The following ZNF81 variants were observed in gnomAD, a reference collection of about 807,000 sequenced individuals.
The protein encoded by ZNF81 is zinc finger protein 81 (HFZ20).
Under a neutral mutation model 32.3 loss-of-function variants are expected in ZNF81, and 5 were observed. That is an observed-to-expected ratio of 0.15 (90% CI 0.08 to 0.33). The LOEUF is 0.33. Ranked by LOEUF, ZNF81 falls within the 10% of genes least tolerant of loss-of-function variation. The probability of loss-of-function intolerance (pLI) is 1.00; values close to 1 mark genes in which losing one functional copy is unlikely to be tolerated. For missense variants in ZNF81, 379 were observed against 479.8 expected, an observed-to-expected ratio of 0.79 and a Z score of 1.96; for synonymous variants, 163 against 166.8, an observed-to-expected ratio of 0.98 and a Z score of 0.17.
intron 2 of ZNF81, among the ~76,000 whole-genome samples, chrX:47,847,688 T>C (rs782406759): frequency 1.7e-4 from 19 of 111,872 alleles, no homozygotes; most frequent in African/African-American, 5.5e-4. Flanking sequence ...TTCCTTGGCT[T>C]ACCCCTTCAT....
chrX:47,909,863 G>GT (rs1302225006), intron 4 of ZNF81, among the ~76,000 whole-genome samples: 6 of 106,498 alleles, frequency 5.6e-5, no homozygotes, highest in Non-Finnish European at 1.2e-4. Flanking sequence ...GCGGTGTTTG[G>GT]TTTTTTGTCC....
intron 4 of ZNF81, among the ~76,000 whole-genome samples, chrX:47,909,310 C>A (rs933001203): frequency 9.0e-6 from 1 of 111,599 alleles, no homozygotes; most frequent in Non-Finnish European, 1.9e-5. Flanking sequence ...TATCTTCCCC[C>A]CTTTCTAGTA....
Position 47,921,443 on chromosome X carries a change from C to T in ZNF81, c.*4811C>T, listed in dbSNP as rs2058776686. On this transcript the variant is annotated 3_prime_UTR_variant, in exon 5 of 5. Transcript: ENST00000338637. ...TACCCTACACCAACCAGATTTTCAA[C>T]TGCTGGACATATGAATGAAGCTATC... 1 of 110,469 alleles carries T rather than the reference C, an allele frequency of 9.1e-6. No individual in the cohort carries two copies. The highest frequency in any genetic ancestry group is 3.3e-5 in the African/African-American group (1 of 30,452). 9.1% of individuals were successfully genotyped at this position (110,469 alleles called of 1,213,427 possible). A position where few individuals can be genotyped will look rare whatever the true frequency, so the allele number is the denominator to read the frequency against.
At chrX:47,873,178 C>T (rs1375986313) in intron 2 of ZNF81, among the ~76,000 whole-genome samples, 1 of 111,644 alleles carries the variant, frequency 9.0e-6, no homozygotes, top group Non-Finnish European at 1.9e-5. Context: ...AAAGCATGTT[C>T]GTTATCAGAG....
chrX:47,898,222 G>A (rs1208926407), intron 4 of ZNF81, among the ~76,000 whole-genome samples: 1 of 111,026 alleles, frequency 9.0e-6, no homozygotes, highest in Non-Finnish European at 1.9e-5. Context: ...TAGAGCAGGG[G>A]GATAGTGGCT....
chrX:47,879,521 C>A (rs1429532855), intron 2 of ZNF81, among the ~76,000 whole-genome samples: 1 of 112,068 alleles, frequency 8.9e-6, no homozygotes, highest in African/African-American at 3.2e-5. Context: ...TTCCACAAGG[C>A]AATGCAGAGG....
At position 47,915,574 on chromosome X, in the gene ZNF81, G is replaced by C; in HGVS notation, c.928G>C (p.Val310Leu). ...KPHELSKCVN[V>L]FTQKPLLSIY... ...TCATGAGCTTAGCAAATGTGTAAAT[G>C]TTTTTACACAGAAGCCACTACTCAG... Residue 310 changes from valine (V) to leucine (L), a missense_variant, in exon 5 of 5, where the codon GTT (valine) becomes CTT (leucine). Physicochemically the swap from Val to Leu is conservative, Grantham distance 32. Coordinates refer to ENST00000338637, the MANE Select transcript of ZNF81 (RefSeq NM_007137.5). 1 of 1,210,975 alleles carries C rather than the reference G, an allele frequency of 8.3e-7. No homozygotes were observed. Among genetic ancestry groups the C allele is most frequent in the South Asian group, 1.8e-5 (1 of 56,945 alleles).
rs1378918290 is a variant in ZNF81 at position 47,919,899 on chromosome X, C to T, written c.*3267C>T. 2.7e-5 allele frequency: 3 copies of T among 112,049 alleles called. No individual in the cohort carries two copies. Among genetic ancestry groups the T allele is most frequent in the Non-Finnish European group, 3.8e-5 (2 of 53,205 alleles). 9.2% of individuals were successfully genotyped at this position (112,049 alleles called of 1,213,427 possible). A position where few individuals can be genotyped will look rare whatever the true frequency, so the allele number is the denominator to read the frequency against. On this transcript the variant is annotated 3_prime_UTR_variant, in exon 5 of 5. Coordinates refer to ENST00000338637, the MANE Select transcript of ZNF81 (RefSeq NM_007137.5). ...ATTTTTAACTCCCTGTCTGATAGTT[C>T]CAACTACTAGGTCAACTGAGTCTAG...
intron 4 of ZNF81, among the ~76,000 whole-genome samples, chrX:47,904,578 G>C (rs2058712986): frequency 9.0e-6 from 1 of 110,746 alleles, no homozygotes; most frequent in African/African-American, 3.3e-5. Flanking sequence ...TGCTGGAGAG[G>C]ATATGGAGAA....
intron 2 of ZNF81, among the ~76,000 whole-genome samples, chrX:47,878,531 T>C (rs782577757): frequency 1.8e-5 from 2 of 112,433 alleles, no homozygotes; most frequent in South Asian, 7.3e-4. Context: ...AGACTGACCA[T>C]CACATTGGTG....
chrX:47,890,234 T>C (rs1556886318), intron 3 of ZNF81, among the ~76,000 whole-genome samples: 1 of 110,358 alleles, frequency 9.1e-6, no homozygotes, highest in Non-Finnish European at 1.9e-5. Flanking sequence ...CAGAAGGACT[T>C]GGGTGCTATA....
At chrX:47,895,665 C>T (rs1050187425) in intron 3 of ZNF81, among the ~76,000 whole-genome samples, 180 bp from the exon 4 acceptor site, 2 of 112,160 alleles carry the variant, frequency 1.8e-5, no homozygotes, top group Non-Finnish European at 3.8e-5. Flanking sequence ...TTCACCACCA[C>T]TGAGCTATCT....
chrX:47,872,139 T>C (rs2058582965), intron 2 of ZNF81, among the ~76,000 whole-genome samples: 2 of 111,960 alleles, frequency 1.8e-5, no homozygotes, highest in African/African-American at 3.3e-5. Flanking sequence ...TATAGTCCCC[T>C]AGCAGTTCCC....
intron 3 of ZNF81, among the ~76,000 whole-genome samples, chrX:47,892,414 A>T (rs1442197834): frequency 8.9e-6 from 1 of 112,135 alleles, no homozygotes; most frequent in Non-Finnish European, 1.9e-5. Context: ...CACATTGGTG[A>T]CAGGTGTGTC....
At chrX:47,910,708 G>A (rs1556889815) in intron 4 of ZNF81, among the ~76,000 whole-genome samples, 1 of 111,775 alleles carries the variant, frequency 8.9e-6, no homozygotes, top group Non-Finnish European at 1.9e-5. Context: ...TATTATAATA[G>A]TGCTCTAGTA....
In ZNF81 at chrX:47,836,930, C is replaced by T. The variant is rs2058427381; in HGVS notation, c.-221C>T. On this transcript the variant is annotated 5_prime_UTR_variant, in exon 1 of 5. Coordinates refer to ENST00000338637, the MANE Select transcript of ZNF81 (RefSeq NM_007137.5). Reference sequence around the variant, plus strand: ...AGCGGCTGCGGTTCTCGCCGGTTCTCAGCCGGGGTTTGATAGTTGTCAGGA... The same window carrying T: ...AGCGGCTGCGGTTCTCGCCGGTTCTTAGCCGGGGTTTGATAGTTGTCAGGA... 2.2e-5 allele frequency: 5 copies of T among 231,512 alleles called. No homozygotes were observed. Among genetic ancestry groups the T allele is most frequent in the South Asian group, 9.1e-5 (2 of 21,977 alleles). The allele number at this position is 231,512 out of a possible 1,213,427, so 19.1% of individuals were successfully genotyped here.
chrX:47,868,314 T>C (rs2058567377), intron 2 of ZNF81, among the ~76,000 whole-genome samples: 1 of 110,127 alleles, frequency 9.1e-6, no homozygotes, highest in African/African-American at 3.4e-5. Context: ...CAGATTTGTT[T>C]GTCTATTAAG....
rs371751842 is a variant in ZNF81, at chrX:47,857,627, C to T, written c.54+11306C>T. 7.2e-5 allele frequency among the ~76,000 whole-genome samples: 8 copies of T among 111,089 alleles called. No individual in the cohort carries two copies. In the East Asian group the frequency reaches 2.0e-3, roughly 28 times the overall value. On this transcript the variant is annotated intron_variant, in intron 2 of 4. Transcript: ENST00000338637. ...CCCTTCCAGTTATCTCCTCTCTTTC[C>T]TATCACATCACTTTTCCCCTTCTAT...
intron 2 of ZNF81, among the ~76,000 whole-genome samples, chrX:47,876,207 T>C (rs2058599009): frequency 8.9e-6 from 1 of 112,660 alleles, no homozygotes; most frequent in Non-Finnish European, 1.9e-5. Flanking sequence ...AAAAAACTTA[T>C]TTAGCTTTTA....
Sources: gnomAD v4.1 joint callset for allele counts (sites outside exome capture counted in the v4.1 genomes callset) on GRCh38, gnomAD v4.1.1 for gene constraint, MANE v1.5 for transcripts, NCBI Gene and HGNC (gene_info 2026-07-23, HGNC 2026-07-21) for gene names.